MRPS18B: variants seen among roughly 807,000 people sequenced by gnomAD.
MRPS18B encodes mitochondrial ribosomal protein S18B, also known as small ribosomal subunit protein mS40.
A neutral mutation model predicts 28.4 loss-of-function variants in MRPS18B; 27 were observed. The ratio of observed to expected loss-of-function variants is 0.95; its 90% confidence interval spans 0.70 to 1.31. The LOEUF is 1.31. MRPS18B is among the 40% of genes most tolerant of loss of function. The pLI, the probability that MRPS18B is intolerant of heterozygous loss-of-function variation, is 0.00. For synonymous variants in MRPS18B, 118 were observed against 123.7 expected (o/e 0.95, Z 0.30); for missense variants, 343 against 335.9 (o/e 1.02, Z -0.17).
Position 30,625,551 on chromosome 6 carries a change from C to A in MRPS18B, c.531C>A (p.Phe177Leu). 6.3e-7 allele frequency: 1 copy of A among 1,597,984 alleles called. No homozygotes were observed. The highest frequency in any genetic ancestry group is 8.6e-7 in the Non-Finnish European group (1 of 1,167,820). The change falls in exon 7 of 7, where the codon TTC becomes TTA. Residue 177 changes from phenylalanine (F) to leucine (L), a missense_variant. Transcript: ENST00000259873. ...IPQVEPRDLD[F>L]STSHGAVSAT... ...AGGTTGAACCACGGGACCTTGACTT[C>A]AGTACCTCTCATGGGGCTGTGAGTG...
rs373237065 is a variant in MRPS18B at position 30,619,681 on chromosome 6, G to A, written c.188-28G>A. On this transcript the variant is annotated intron_variant, in intron 2 of 6. Transcript: ENST00000259873. ...AGCCACCCACTACACTCCCACCCAG[G>A]AATAACTTGTATGATCTTTCATTTC... 79 of 1,612,204 alleles carry A rather than the reference G, an allele frequency of 4.9e-5. No homozygotes were observed. In the African/African-American group the frequency reaches 7.3e-4, roughly 15 times the overall value.
chr6:30,618,055 T>G (rs1760836893), intron 1 of MRPS18B, 112 bp downstream of exon 1: 1 of 1,137,668 alleles, frequency 8.8e-7, no homozygotes, highest in South Asian at 1.3e-5. Context: ...GTGTCTTAGC[T>G]GTCTAGGCAG....
chr6:30,618,910 G>A (rs1280368576), intron 1 of MRPS18B, among the ~76,000 whole-genome samples: 2 of 151,536 alleles, frequency 1.3e-5, no homozygotes, highest in African/African-American at 4.9e-5. Context: ...TACCTTTTAT[G>A]TACTAGATTT....
rs140942217 is a variant in MRPS18B, at chr6:30,617,905, C to T, written c.40C>T (p.Pro14Ser). 3.7e-5 allele frequency: 59 copies of T among 1,614,178 alleles called. No individual in the cohort carries two copies. The African/African-American group carries it at 7.7e-4, about 21-fold the overall frequency. The part of the protein sequence containing the change: ...SVLNTVLRRL[P>S]MLSLFRGSHR... ...ATTAAACACCGTGCTGAGGCGGCTT[C>T]CTATGCTATCTCTCTTCCGAGGTTC... Residue 14 changes from proline to serine, a missense_variant, in exon 1 of 7, where the codon CCT (proline) becomes TCT (serine). By Grantham distance (74) the Pro-to-Ser change is moderately conservative (BLOSUM62 -1). Coordinates refer to ENST00000259873, the MANE Select transcript of MRPS18B (RefSeq NM_014046.4).
At chr6:30,620,600 T>C (rs1278445200) in intron 4 of MRPS18B, among the ~76,000 whole-genome samples, 1 of 151,928 alleles carries the variant, frequency 6.6e-6, no homozygotes, top group Non-Finnish European at 1.5e-5. Context: ...GACGGAGTCT[T>C]ACTCTGTTGC....
chr6:30,620,558 A>C (rs1371894768), intron 4 of MRPS18B, among the ~76,000 whole-genome samples: 1 of 151,712 alleles, frequency 6.6e-6, no homozygotes, highest in Non-Finnish European at 1.5e-5. Flanking sequence ...CTAAATTGGC[A>C]GGTAAGAGAA....
intron 4 of MRPS18B, 99 bp downstream of exon 4, chr6:30,620,088 C>CAGGT: frequency 8.9e-7 from 1 of 1,119,770 alleles, no homozygotes; most frequent in Non-Finnish European, 1.3e-6. Flanking sequence ...GAGGCCAAGG[C>CAGGT]AGGTGGATCA....
chr6:30,620,957 C>T (rs575107366), intron 4 of MRPS18B, among the ~76,000 whole-genome samples: 4 of 152,334 alleles, frequency 2.6e-5, no homozygotes, highest in East Asian at 3.9e-4. Flanking sequence ...GGCCCACTTT[C>T]TTCCTGAGGT....
At position 30,619,804 on chromosome 6, in the gene MRPS18B, A is replaced by G. The variant is rs1761029041; in HGVS notation, c.283A>G (p.Ile95Val). 2 of 1,613,922 alleles carry G rather than the reference A, an allele frequency of 1.2e-6. No individual in the cohort carries two copies. Among genetic ancestry groups the G allele is most frequent in the African/African-American group, 1.3e-5 (1 of 74,948 alleles). Residue 95 changes from isoleucine to valine, a missense_variant and splice_region_variant, in exon 3 of 7, where the codon ATT becomes GTT. Ile to Val is a conservative substitution (Grantham distance 29, BLOSUM62 3). Coordinates refer to ENST00000259873, the MANE Select transcript of MRPS18B (RefSeq NM_014046.4). ...VPPQRTRKTC[I>V]RRNKVVGNPC... ...CCCACAGCGGACTCGGAAGACATGT[A>G]TTGTGAGTTTCTGAGAGTGGGATGT...
In MRPS18B at chr6:30,626,047, T is replaced by G. The variant is rs1487051178; in HGVS notation, c.*250T>G. On this transcript the variant is annotated 3_prime_UTR_variant, in exon 7 of 7. Transcript: ENST00000259873. The stretch of plus-strand genomic sequence containing the variant: ...CCAGGAGGCGGAGGTTGCAGTGAGT[T>G]GCAGTCACACCCCTGCACTCCAGCC... 1 of 474,586 alleles carries G rather than the reference T, an allele frequency of 2.1e-6. No homozygotes were observed. Among genetic ancestry groups the G allele is most frequent in the East Asian group, 3.3e-5 (1 of 29,930 alleles). 29.4% of individuals were successfully genotyped at this position (474,586 alleles called of 1,614,324 possible).
chr6:30,624,807 C>T, intron 5 of MRPS18B, 76 bp from the exon 6 acceptor site: 1 of 1,533,560 alleles, frequency 6.5e-7, no homozygotes, highest in Non-Finnish European at 9.0e-7. Context: ...CAATCTACCC[C>T]TCTGTCACCA....
chr6:30,624,288 G>T (rs954829456), intron 5 of MRPS18B, among the ~76,000 whole-genome samples: 1 of 151,506 alleles, frequency 6.6e-6, no homozygotes, highest in African/African-American at 2.4e-5. Flanking sequence ...TAGAGACAGG[G>T]TTTCACCATT....
At chr6:30,619,471 A>T in intron 1 of MRPS18B, 22 bp from the exon 2 acceptor site, 1 of 1,588,670 alleles carries the variant, frequency 6.3e-7, no homozygotes, top group Non-Finnish European at 8.6e-7. Flanking sequence ...TCATTCTTTT[A>T]TTTTTTTCTT....
At position 30,622,979 on chromosome 6, in the gene MRPS18B, T is replaced by C. The variant is rs1299999999; in HGVS notation, c.421+81T>C. On this transcript the variant is annotated intron_variant, in intron 5 of 6. Coordinates refer to ENST00000259873, the MANE Select transcript of MRPS18B (RefSeq NM_014046.4). ...TATGTAGTTGGCCAATAGGTATTTG[T>C]TCAGTGGCTCCTGCTTATAGCCTAA... The C allele has an allele frequency of 4.3e-6, 6 of 1,387,142 alleles. No individual in the cohort carries two copies. In the African/African-American group the frequency reaches 8.6e-5, roughly 20 times the overall value. 85.9% of individuals were successfully genotyped at this position (1,387,142 alleles called of 1,614,324 possible).
At chr6:30,621,052 A>G (rs1761126043) in intron 4 of MRPS18B, among the ~76,000 whole-genome samples, 2 of 152,172 alleles carry the variant, frequency 1.3e-5, no homozygotes, top group Admixed American at 1.3e-4. Flanking sequence ...AGAGTCCATT[A>G]TTTTTCAAAA....
Position 30,625,830 on chromosome 6 carries a change from G to A in MRPS18B, c.*33G>A. On this transcript the variant is annotated 3_prime_UTR_variant, in exon 7 of 7. Transcript: ENST00000259873. ...AGACTGGGAAGAGAGGCCAGGCGTG[G>A]TGGCTCACTCCTGTAATCCCAGCAC... is the stretch of plus-strand genomic sequence containing the variant. 6.3e-7 allele frequency: 1 copy of A among 1,576,430 alleles called. No homozygotes were observed. Among genetic ancestry groups the A allele is most frequent in the Non-Finnish European group, 8.7e-7 (1 of 1,155,000 alleles).
At chr6:30,620,316 C>CA (rs546744226) in intron 4 of MRPS18B, among the ~76,000 whole-genome samples, 163 of 137,682 alleles carry the variant, frequency 1.2e-3, no homozygotes, top group African/African-American at 3.7e-3. Flanking sequence ...GACTCCGTCT[C>CA]AAAAAAAAAA....
At chr6:30,618,446 C>T (rs987754071) in intron 1 of MRPS18B, 8 of 158,202 alleles carry the variant, frequency 5.1e-5, no homozygotes, top group Middle Eastern at 6.6e-3. Flanking sequence ...TATATTCTTA[C>T]GACCTGAGGA....
intron 1 of MRPS18B, among the ~76,000 whole-genome samples, chr6:30,619,212 G>A (rs950820411): frequency 6.6e-5 from 10 of 152,126 alleles, no homozygotes; most frequent in Admixed American, 1.3e-4. Context: ...CACTGCGCCC[G>A]GCCTTGTACT....
Sources: gnomAD v4.1 joint callset for allele counts (sites outside exome capture counted in the v4.1 genomes callset) on GRCh38, gnomAD v4.1.1 for gene constraint, MANE v1.5 for transcripts, NCBI Gene and HGNC (gene_info 2026-07-23, HGNC 2026-07-21) for gene names.